AQP9: variants seen among roughly 807,000 people sequenced by gnomAD.
AQP9 encodes the protein aquaporin-9.
Under a neutral mutation model 23.8 loss-of-function variants are expected in AQP9, and 19 were observed. The observed-to-expected ratio is 0.80, with a 90% CI of 0.56 to 1.17. The LOEUF is 1.17. Among genes scored for constraint, AQP9 ranks in the 50% most tolerant of loss-of-function variants. The pLI is 0.00. For missense variants in AQP9, 413 were observed against 362.0 expected (o/e 1.14, Z -1.14); for synonymous variants, 153 against 131.5 (o/e 1.16, Z -1.12).
Position 58,178,671 on chromosome 15 carries a change from C to T in AQP9, c.496-457C>T, listed in dbSNP as rs78987224. Among the ~76,000 whole-genome samples, 1,053 of 152,124 alleles carry T rather than the reference C, an allele frequency of 6.9e-3. 10 individuals are homozygous for T. Among genetic ancestry groups the T allele is most frequent in the African/African-American group, 0.023 (961 of 41,508 alleles). ...CCACTGCTTTCCTAATTCTGTTTTC[C>T]TTTTTTGAATTTTCTGTTCACTTCC... On this transcript the variant is annotated intron_variant, in intron 4 of 5. Transcript: ENST00000219919.
chr15:58,152,234 T>C (rs1013093420), intron 1 of AQP9: 2 of 152,180 alleles, frequency 1.3e-5, no homozygotes, highest in Admixed American at 6.5e-5. Flanking sequence ...CTTACTAACC[T>C]TGCCTTTCCC....
intron 1 of AQP9, among the ~76,000 whole-genome samples, chr15:58,144,917 G>C (rs1216659567): frequency 1.3e-5 from 2 of 151,208 alleles, no homozygotes; most frequent in Non-Finnish European, 2.9e-5. Context: ...AGGAGGCTGA[G>C]GCAGGAGAAT....
chr15:58,138,500 C>A lies in AQP9; in HGVS notation c.-66C>A. On this transcript the variant is annotated 5_prime_UTR_variant, in exon 1 of 6. The change creates a new upstream start codon in the 5' untranslated region. Transcript: ENST00000219919. ...TGTCAAAACGTCCATTTTCATCTGG[C>A]TGTGAAAGTGAGGACCACAACAGGT... 1 of 1,282,758 alleles carries A rather than the reference C, an allele frequency of 7.8e-7. No individual in the cohort carries two copies. Among genetic ancestry groups the A allele is most frequent in the East Asian group, 2.3e-5 (1 of 43,128 alleles). 79.5% of individuals were successfully genotyped at this position (1,282,758 alleles called of 1,614,324 possible).
In AQP9 at chr15:58,183,993, T is replaced by C. The variant is rs774310850; in HGVS notation, c.746T>C (p.Val249Ala). The C allele has an allele frequency of 6.2e-7, 1 of 1,614,170 alleles. No homozygotes were observed. The highest frequency in any genetic ancestry group is 1.1e-5 in the South Asian group (1 of 91,076). ...AACAACTTCTGGTGGATTCCTGTAG[T>C]GGGCCCTTTGGTTGGTGCTGTCATT... is the stretch of plus-strand genomic sequence containing the variant. ...AGNNFWWIPV[V>A]GPLVGAVIGG... Residue 249 changes from valine to alanine, a missense_variant, in exon 6 of 6, where the codon GTG becomes GCG. Physicochemically the swap from Val to Ala is moderately conservative, Grantham distance 64. Coordinates refer to ENST00000219919, the MANE Select transcript of AQP9 (RefSeq NM_020980.5).
Position 58,179,446 on chromosome 15 carries a change from G to A in AQP9, c.713+101G>A, listed in dbSNP as rs116907091. ...GATCCAGGGAAGTTCAGATGACAGC[G>A]CCAACGTTAACTGCACACTCTGGTC... On this transcript the variant is annotated intron_variant, in intron 5 of 5. Transcript: ENST00000219919. 7.7e-5 allele frequency: 82 copies of A among 1,061,458 alleles called. No homozygotes were observed. In the East Asian group the frequency reaches 1.7e-3, roughly 22 times the overall value. The allele number at this position is 1,061,458 out of a possible 1,614,324, so 65.8% of individuals were successfully genotyped here.
chr15:58,158,293 A>G (rs1283617641), intron 1 of AQP9, among the ~76,000 whole-genome samples: 2 of 152,156 alleles, frequency 1.3e-5, no homozygotes, highest in African/African-American at 4.8e-5. Flanking sequence ...CTCTTGTTCC[A>G]TCCAGTGTGT....
At chr15:58,163,929 G>A (rs1394847622) in intron 1 of AQP9, 1 of 152,320 alleles carries the variant, frequency 6.6e-6, no homozygotes. Flanking sequence ...GGCAGGCAAG[G>A]GAACAAACCA....
intron 1 of AQP9, among the ~76,000 whole-genome samples, chr15:58,146,172 CCT>C (rs1306371031): frequency 1.3e-5 from 2 of 151,920 alleles, no homozygotes; most frequent in Non-Finnish European, 2.9e-5. Flanking sequence ...GGAAAATTTT[CCT>C]CTTTATTACC....
rs759932485 is a variant in AQP9, at chr15:58,179,376, A to T, written c.713+31A>T. On this transcript the variant is annotated intron_variant, in intron 5 of 5. Transcript: ENST00000219919. ...TAACAGTGGTGGGGAAGAGAGAGAC[A>T]GAGTCATGCTGCGCCTCACCAGTGG... 1.3e-5 allele frequency: 20 copies of T among 1,579,806 alleles called. 1 individual carries two copies. In the South Asian group the frequency reaches 2.2e-4, roughly 17 times the overall value.
chr15:58,175,031 G>C lies in AQP9; in HGVS notation c.490G>C (p.Asp164His), dbSNP rs1290092973. Residue 164 changes from aspartate to histidine, a missense_variant, in exon 4 of 6, where the codon GAT becomes CAT. Transcript: ENST00000219919. The stretch of plus-strand genomic sequence containing the variant: ...TCTATCTCTGGCGAACGCATTTGCA[G>C]ATCAAGTAAGTGTAGATTCAACAAA... ...PYLSLANAFA[D>H]QVVATMILLI... The C allele has an allele frequency of 6.2e-7, 1 of 1,610,742 alleles. No individual in the cohort carries two copies. Among genetic ancestry groups the C allele is most frequent in the South Asian group, 1.1e-5 (1 of 91,000 alleles).
chr15:58,155,461 A>AT (rs1342531436), intron 1 of AQP9: 1 of 152,110 alleles, frequency 6.6e-6, no homozygotes, highest in Non-Finnish European at 1.5e-5. Context: ...TCTGAGGTGG[A>AT]TTTTCAGTAG....
Position 58,184,810 on chromosome 15 carries a change from ATCTCTTGC to A in AQP9, c.*680_*687del, listed in dbSNP as rs1330870196. 6.6e-6 allele frequency: 1 copy of A among 152,228 alleles called. No homozygotes were observed. Among genetic ancestry groups the A allele is most frequent in the Non-Finnish European group, 1.5e-5 (1 of 68,044 alleles). 9.4% of individuals were successfully genotyped at this position (152,228 alleles called of 1,614,324 possible). ...TTAATGGAAACCATTTATCAGATTA[ATCTCTTGC>A]TCTCCTGCATTTTAGAGGACACCAA... On this transcript the variant is annotated 3_prime_UTR_variant, in exon 6 of 6. Coordinates refer to ENST00000219919, the MANE Select transcript of AQP9 (RefSeq NM_020980.5).
chr15:58,181,820 C>G (rs1898894518), intron 5 of AQP9, among the ~76,000 whole-genome samples: 1 of 152,000 alleles, frequency 6.6e-6, no homozygotes, highest in Non-Finnish European at 1.5e-5. Flanking sequence ...AAGTAGAAAC[C>G]CATTAGGAAA....
At chr15:58,160,554 A>G (rs1898355028) in intron 1 of AQP9, among the ~76,000 whole-genome samples, 3 of 152,144 alleles carry the variant, frequency 2.0e-5, no homozygotes, top group African/African-American at 7.2e-5. Flanking sequence ...AGCATGGAAT[A>G]TAAAGAATTA....
At chr15:58,157,331 GAA>G (rs1898284697) in intron 1 of AQP9, among the ~76,000 whole-genome samples, 1 of 152,198 alleles carries the variant, frequency 6.6e-6, no homozygotes, top group Non-Finnish European at 1.5e-5. Context: ...TTGCTTCCCA[GAA>G]AAGTCTTTGA....
chr15:58,177,881 A>C (rs1898793072), intron 4 of AQP9, among the ~76,000 whole-genome samples: 1 of 152,174 alleles, frequency 6.6e-6, no homozygotes, highest in South Asian at 2.1e-4. Context: ...ATTGTCTTAA[A>C]ATTTTTCTTT....
intron 1 of AQP9, chr15:58,155,918 C>T (rs150682569): frequency 6.6e-6 from 1 of 152,160 alleles, no homozygotes; most frequent in Non-Finnish European, 1.5e-5. Flanking sequence ...ATTCCGTCCA[C>T]TAGTCTCACA....
chr15:58,179,650 T>G (rs1168553111), intron 5 of AQP9, among the ~76,000 whole-genome samples: 1 of 152,182 alleles, frequency 6.6e-6, no homozygotes, highest in Non-Finnish European at 1.5e-5. Context: ...TGTGAACATT[T>G]TAGCTGTATA....
chr15:58,164,134 C>T (rs1898446135), intron 1 of AQP9: 1 of 152,218 alleles, frequency 6.6e-6, no homozygotes, highest in African/African-American at 2.4e-5. Flanking sequence ...TAAGAAAAGC[C>T]ATTTCAGCAT....
Sources: gnomAD v4.1 joint callset for allele counts (sites outside exome capture counted in the v4.1 genomes callset) on GRCh38, gnomAD v4.1.1 for gene constraint, MANE v1.5 for transcripts, NCBI Gene and HGNC (gene_info 2026-07-23, HGNC 2026-07-21) for gene names.